Variants in SPEN observed in about 807,000 individuals in gnomAD.
SPEN encodes msx2-interacting protein.
A neutral mutation model predicts 269.9 loss-of-function variants in SPEN; 18 were observed. The observed-to-expected ratio is 0.07, with a 90% CI of 0.05 to 0.10. The LOEUF is 0.10. Ranked by LOEUF, SPEN falls within the 10% of genes least tolerant of loss-of-function variation. The probability of loss-of-function intolerance (pLI) is 1.00; values close to 1 mark genes in which losing one functional copy is unlikely to be tolerated. For missense variants in SPEN, 3,822 were observed against 4,631.2 expected, an observed-to-expected ratio of 0.83 and a Z score of 5.07; for synonymous variants, 1,726 against 1,765.7, an observed-to-expected ratio of 0.98 and a Z score of 0.56.
Position 15,929,540 on chromosome 1 carries a change from A to C in SPEN, c.3300A>C (p.Glu1100Asp). 1 of 1,613,940 alleles carries C rather than the reference A, an allele frequency of 6.2e-7. No individual in the cohort carries two copies. The highest frequency in any genetic ancestry group is 8.5e-7 in the Non-Finnish European group (1 of 1,179,942). Residue 1100 changes from glutamate to aspartate, a missense_variant, in exon 11 of 15, where the codon GAA becomes GAC. Glu to Asp is a conservative substitution (Grantham distance 45). Transcript: ENST00000375759. The surrounding 1 kb of genome is among the most constrained non-coding windows in gnomAD (Gnocchi z 5.8). ...ELAGESVENQEVQSKKPIPSK... is the reference protein window; with the variant it reads ...ELAGESVENQDVQSKKPIPSK... ...CAGGTGAATCTGTGGAAAATCAAGA[A>C]GTCCAATCAAAAAAGCCCATTCCCT...
At chr1:15,898,171 C>CTTTG (rs1557747914) in intron 3 of SPEN, among the ~76,000 whole-genome samples, 1 of 119,232 alleles carries the variant, frequency 8.4e-6, no homozygotes, top group Non-Finnish European at 1.7e-5. Context: ...CTTAATTTAT[C>CTTTG]TTTGTGTGTG....
intron 3 of SPEN, among the ~76,000 whole-genome samples, chr1:15,889,251 C>T (rs1265626988): frequency 6.7e-5 from 10 of 150,336 alleles, no homozygotes; most frequent in African/African-American, 2.5e-4. Flanking sequence ...CTGCAACCTC[C>T]GCCTCCCAGG....
chr1:15,890,696 C>T (rs764215510), intron 3 of SPEN, among the ~76,000 whole-genome samples: 1 of 151,728 alleles, frequency 6.6e-6, no homozygotes, highest in Non-Finnish European at 1.5e-5. Context: ...ACATTTACAG[C>T]ATTTTGCAAC....
At chr1:15,900,651 T>C (rs940833184) in intron 3 of SPEN, among the ~76,000 whole-genome samples, 8 of 152,170 alleles carry the variant, frequency 5.3e-5, no homozygotes, top group African/African-American at 1.9e-4. Context: ...TTTTATGAAA[T>C]GATACATTAG....
chr1:15,902,896 A>T (rs893320510), intron 3 of SPEN, among the ~76,000 whole-genome samples: 1 of 152,060 alleles, frequency 6.6e-6, no homozygotes, highest in Non-Finnish European at 1.5e-5. Context: ...TTCTGAAAAT[A>T]TTGGTTTATG....
At chr1:15,907,856 T>C (rs1570034896) in intron 3 of SPEN, among the ~76,000 whole-genome samples, 1 of 152,240 alleles carries the variant, frequency 6.6e-6, no homozygotes, top group African/African-American at 2.4e-5. Context: ...TTTTTTTCTA[T>C]GAACTTGCAT....
At chr1:15,850,445 A>G (rs1391847253) in intron 1 of SPEN, among the ~76,000 whole-genome samples, 4 of 151,802 alleles carry the variant, frequency 2.6e-5, no homozygotes, top group Non-Finnish European at 5.9e-5. Flanking sequence ...TTGTTTAAAT[A>G]GACAGTACAT....
rs1191089349 is a variant in SPEN, at chr1:15,940,070, T to C, written c.*643T>C. ...AGAAAGGTTTTCTCTTGGTGGGATATGCAGAACTTGGGATGTGTGTATATA... is the reference window on the plus strand; with the variant it reads ...AGAAAGGTTTTCTCTTGGTGGGATACGCAGAACTTGGGATGTGTGTATATA... On this transcript the variant is annotated 3_prime_UTR_variant, in exon 15 of 15. Transcript: ENST00000375759. The C allele has an allele frequency of 4.5e-6, 1 of 223,110 alleles. No homozygotes were observed. The highest frequency in any genetic ancestry group is 2.2e-5 in the African/African-American group (1 of 44,608). 13.8% of individuals were successfully genotyped at this position (223,110 alleles called of 1,614,324 possible). A position where few individuals can be genotyped will look rare whatever the true frequency, so the allele number is the denominator to read the frequency against.
chr1:15,880,981 G>T (rs558832501), intron 3 of SPEN, among the ~76,000 whole-genome samples: 13 of 152,114 alleles, frequency 8.5e-5, no homozygotes, highest in Non-Finnish European at 1.5e-4. Flanking sequence ...TTTAACTGTG[G>T]TAATGATTTT....
chr1:15,888,255 A>G (rs1258930314), intron 3 of SPEN, among the ~76,000 whole-genome samples: 8 of 151,526 alleles, frequency 5.3e-5, no homozygotes, highest in Middle Eastern at 6.8e-3. Flanking sequence ...ATTTAAAAAT[A>G]AAAACTGCCA....
Position 15,876,323 on chromosome 1 carries a change from C to T in SPEN, c.526C>T (p.Arg176Trp), listed in dbSNP as rs749739850. 3.1e-6 allele frequency: 5 copies of T among 1,613,948 alleles called. No individual in the cohort carries two copies. The highest frequency in any genetic ancestry group is 1.1e-5 in the South Asian group (1 of 91,056). The change falls in exon 3 of 15, where the codon CGG becomes TGG. Residue 176 changes from arginine (R) to tryptophan (W), a missense_variant. Arg to Trp is a moderately radical substitution (Grantham distance 101). Around this residue, in one of 16 missense-constraint regions of SPEN, gnomAD observed 327 missense variants for 350.8 expected, o/e 0.93. Coordinates refer to ENST00000375759, the MANE Select transcript of SPEN (RefSeq NM_015001.3). ...DQDYYRDPRERTLQHGLYYAS... is the reference protein window; with the variant it reads ...DQDYYRDPREWTLQHGLYYAS... ...GGATTACTATAGAGATCCTCGAGAG[C>T]GGACTTTACAACATGGGCTCTATTA...
chr1:15,880,453 CT>C (rs371820417), intron 3 of SPEN, among the ~76,000 whole-genome samples: 4,866 of 110,884 alleles, frequency 0.044, 23 homozygotes, highest in Non-Finnish European at 0.061. Context: ...GTAATTATAG[CT>C]TTTTTTTTTT....
intron 5 of SPEN, among the ~76,000 whole-genome samples, chr1:15,913,471 T>C (rs925530699): frequency 6.6e-6 from 1 of 152,030 alleles, no homozygotes; most frequent in African/African-American, 2.4e-5. Context: ...GATTGATTGA[T>C]TGGAGACAGG....
Position 15,936,001 on chromosome 1 carries a change from T to G in SPEN, c.9761T>G (p.Val3254Gly). 2.5e-6 allele frequency: 3 copies of G among 1,216,802 alleles called. No homozygotes were observed. Among genetic ancestry groups the G allele is most frequent in the Non-Finnish European group, 3.3e-6 (3 of 901,916 alleles). 75.4% of individuals were successfully genotyped at this position (1,216,802 alleles called of 1,614,324 possible). A position where few individuals can be genotyped will look rare whatever the true frequency, so the allele number is the denominator to read the frequency against. Residue 3254 changes from valine to glycine, a missense_variant, in exon 11 of 15, where the codon GTC becomes GGC. This residue lies in a region of SPEN where 359 missense variants were observed against 377.3 expected (regional missense o/e 0.95). Coordinates refer to ENST00000375759, the MANE Select transcript of SPEN (RefSeq NM_015001.3). The part of the protein sequence containing the change: ...TPTPAPVPVP[V>G]PLPAPAPAPH... ...ACCCCTGCCCCCGTCCCTGTCCCTG[T>G]CCCCCTTCCTGCCCCTGCTCCTGCC...
Position 15,848,183 on chromosome 1 carries a change from TC to T in SPEN, c.83+35del, listed in dbSNP as rs1445527708. On this transcript the variant is annotated intron_variant, in intron 1 of 14. Transcript: ENST00000375759. This position sits in a 1 kb window ranked among gnomAD's most constrained non-coding sequence, Gnocchi z 5.1. ...ACACGAGGCCCGCGGCCGCGCTCGC[TC>T]CTCGGGCGCCGCTTCCCGCCCCGGC... 7.2e-7 allele frequency: 1 copy of T among 1,396,364 alleles called. No homozygotes were observed. The highest frequency in any genetic ancestry group is 1.5e-5 in the African/African-American group (1 of 66,642). 86.5% of individuals were successfully genotyped at this position (1,396,364 alleles called of 1,614,324 possible). A position where few individuals can be genotyped will look rare whatever the true frequency, so the allele number is the denominator to read the frequency against.
chr1:15,885,412 T>G (rs2070727675), intron 3 of SPEN, among the ~76,000 whole-genome samples: 1 of 152,242 alleles, frequency 6.6e-6, no homozygotes, highest in African/African-American at 2.4e-5. Context: ...AACTGTTACA[T>G]GAAGTTTCTT....
At chr1:15,859,789 G>T (rs1435397532) in intron 1 of SPEN, among the ~76,000 whole-genome samples, 1 of 150,804 alleles carries the variant, frequency 6.6e-6, no homozygotes, top group Non-Finnish European at 1.5e-5. Flanking sequence ...TTCCTAAAAA[G>T]ACTTCTTATT....
rs370674242 is a variant in SPEN at position 15,933,522 on chromosome 1, C to T, written c.7282C>T (p.Pro2428Ser). 1.1e-5 allele frequency: 18 copies of T among 1,613,758 alleles called. No homozygotes were observed. Among genetic ancestry groups the T allele is most frequent in the Admixed American group, 3.3e-5 (2 of 59,966 alleles). Reference protein sequence around the residue: ...EERTPTKASVPPDLPPPPQPA... With the variant: ...EERTPTKASVSPDLPPPPQPA... ...AAGGACTCCAACCAAAGCATCTGTG[C>T]CCCCAGACCTTCCCCCACCTCCCCA... Residue 2428 changes from proline to serine, a missense_variant, in exon 11 of 15, where the codon CCC (proline) becomes TCC (serine). By Grantham distance (74) the Pro-to-Ser change is moderately conservative. This residue lies in a region of SPEN where 727 missense variants were observed against 737.9 expected (regional missense o/e 0.99). Transcript: ENST00000375759. This position sits in a 1 kb window ranked among gnomAD's most constrained non-coding sequence, Gnocchi z 5.7.
intron 1 of SPEN, among the ~76,000 whole-genome samples, chr1:15,849,508 C>T (rs952870318): frequency 2.0e-5 from 3 of 152,104 alleles, no homozygotes; most frequent in Non-Finnish European, 4.4e-5. Flanking sequence ...AGCCGGGAAT[C>T]GTGGGGCCAT....
Sources: allele counts gnomAD v4.1 joint callset (sites outside exome capture counted in the v4.1 genomes callset), GRCh38; gene constraint gnomAD v4.1.1; regional missense constraint gnomAD v4.1.1; non-coding constraint Gnocchi (gnomAD v3.1); transcripts MANE v1.5; gene names NCBI Gene and HGNC (gene_info 2026-07-23, HGNC 2026-07-21).